Variants in AHI1 observed in about 807,000 individuals in gnomAD.
AHI1 encodes the protein Abelson helper integration site 1, also known as jouberin.
A neutral mutation model predicts 149.3 loss-of-function variants in AHI1; 123 were observed. The ratio of observed to expected loss-of-function variants is 0.82; its 90% confidence interval spans 0.71 to 0.96. AHI1 has a LOEUF of 0.96. AHI1 is among the 40% of genes least tolerant of loss of function. The probability of loss-of-function intolerance (pLI) is 0.00; values close to 1 mark genes in which losing one functional copy is unlikely to be tolerated. For synonymous variants in AHI1, 475 were observed against 459.8 expected, an observed-to-expected ratio of 1.03 and a Z score of -0.42; for missense variants, 1,439 against 1,422.7, an observed-to-expected ratio of 1.01 and a Z score of -0.18.
At chr6:135,486,015 T>C (rs1455769808) in intron 5 of AHI1, among the ~76,000 whole-genome samples, 1 of 152,232 alleles carries the variant, frequency 6.6e-6, no homozygotes, top group Non-Finnish European at 1.5e-5. Context: ...ACTGATTTTA[T>C]AGGATGCATG....
At chr6:135,419,814 T>A (rs1372199020) in intron 20 of AHI1, among the ~76,000 whole-genome samples, 1 of 152,114 alleles carries the variant, frequency 6.6e-6, no homozygotes, top group Non-Finnish European at 1.5e-5. Context: ...CACAAAAGAT[T>A]TCTCTGTAGC....
intron 23 of AHI1, among the ~76,000 whole-genome samples, chr6:135,362,583 C>A (rs1794075567): frequency 6.6e-6 from 1 of 152,136 alleles, no homozygotes; most frequent in South Asian, 2.1e-4. Flanking sequence ...CATCACATTG[C>A]AGTTTTGATT....
At chr6:135,442,209 G>C (rs769799168) in intron 14 of AHI1, among the ~76,000 whole-genome samples, 1 of 152,078 alleles carries the variant, frequency 6.6e-6, no homozygotes, top group African/African-American at 2.4e-5. Context: ...AGCAAATCTG[G>C]AGGCTTTTGT....
chr6:135,482,603 A>T (rs570665134), intron 5 of AHI1, among the ~76,000 whole-genome samples: 2 of 151,912 alleles, frequency 1.3e-5, no homozygotes, highest in South Asian at 4.1e-4. Flanking sequence ...TATTTTTTTA[A>T]TCTGTAGAAG....
At chr6:135,332,312 C>T (rs998368122) in intron 24 of AHI1, among the ~76,000 whole-genome samples, 1 of 152,218 alleles carries the variant, frequency 6.6e-6, no homozygotes, top group African/African-American at 2.4e-5. Flanking sequence ...TCGTGATCTG[C>T]CTGCCTCGGC....
chr6:135,318,577 G>C lies in AHI1; in HGVS notation c.3368C>G (p.Ser1123Cys). 6.2e-7 allele frequency: 1 copy of C among 1,606,058 alleles called. No individual in the cohort carries two copies. The highest frequency in any genetic ancestry group is 8.5e-7 in the Non-Finnish European group (1 of 1,176,208). The stretch of plus-strand genomic sequence containing the variant: ...TTTTTCCTCAGGGCTTAAAGGAGGG[G>C]ATCGCTCCTTTATCTCAGGAGGCAG... ...QELPPEIKER[S>C]PPLSPEEKTK... The change falls in exon 26 of 29, where the codon TCC becomes TGC. Residue 1123 changes from serine to cysteine, a missense_variant. Physicochemically the swap from Ser to Cys is moderately radical, Grantham distance 112. Coordinates refer to ENST00000265602, the MANE Select transcript of AHI1 (RefSeq NM_001134831.2).
chr6:135,458,171 T>C (rs766190378), intron 8 of AHI1, among the ~76,000 whole-genome samples: 3 of 152,142 alleles, frequency 2.0e-5, no homozygotes, highest in Admixed American at 6.5e-5. Context: ...AAAGAAGATA[T>C]AGTAGACAGA....
intron 24 of AHI1, among the ~76,000 whole-genome samples, chr6:135,352,515 T>C (rs188285869): frequency 6.6e-6 from 1 of 152,236 alleles, no homozygotes; most frequent in Admixed American, 6.5e-5. Context: ...ACTCCAGTGC[T>C]GGGAATTCCT....
chr6:135,447,038 T>C lies in AHI1; in HGVS notation c.1749A>G (p.Glu583=). The C allele has an allele frequency of 6.3e-7, 1 of 1,598,074 alleles. No individual in the cohort carries two copies. The highest frequency in any genetic ancestry group is 1.1e-5 in the South Asian group (1 of 90,408). ...DTEPGLEESK[E]VIKWKRLPGQ... The stretch of plus-strand genomic sequence containing the variant: ...CAGGGAGTCGTTTCCACTTTATTAC[T>C]TCCTTTGACTCTTCTAATCCAGGTT... The change falls in exon 13 of 29, where the codon GAA becomes GAG. Residue 583 remains glutamate, a synonymous_variant. Coordinates refer to ENST00000265602, the MANE Select transcript of AHI1 (RefSeq NM_001134831.2).
chr6:135,363,896 AC>A (rs1171061892), intron 23 of AHI1, among the ~76,000 whole-genome samples: 40 of 119,808 alleles, frequency 3.3e-4, no homozygotes, highest in East Asian at 2.8e-3. Flanking sequence ...CGGGGGGCTG[AC>A]CCCCCCCACC....
At chr6:135,434,581 CATA>C (rs1376873380) in intron 15 of AHI1, among the ~76,000 whole-genome samples, 1 of 151,608 alleles carries the variant, frequency 6.6e-6, no homozygotes, top group East Asian at 1.9e-4. Context: ...TTAAAACAGA[CATA>C]ATATTAAAAA....
chr6:135,415,435 G>A (rs182693113), intron 20 of AHI1, among the ~76,000 whole-genome samples: 37 of 152,302 alleles, frequency 2.4e-4, no homozygotes, highest in Non-Finnish European at 4.4e-4. Context: ...CACCAACAGT[G>A]TAAAAGTGTT....
chr6:135,323,250 C>T lies in AHI1; in HGVS notation c.3240G>A (p.Val1080=). Residue 1080 remains valine (V), a synonymous_variant, in exon 25 of 29, where the codon GTG becomes GTA. Transcript: ENST00000265602. ...ACCAGTCTTCATTATCTTTGAAAAA[C>T]ACTCGGATAATGTCTCCGCGATGGA... is the stretch of plus-strand genomic sequence containing the variant. ...LTIHRGDIIR[V]FFKDNEDWWY... 6.2e-7 allele frequency: 1 copy of T among 1,613,884 alleles called. No homozygotes were observed. The highest frequency in any genetic ancestry group is 8.5e-7 in the Non-Finnish European group (1 of 1,179,836).
chr6:135,445,778 C>T (rs2757646), intron 13 of AHI1, among the ~76,000 whole-genome samples: 113,244 of 151,956 alleles, frequency 0.75, 47,667 homozygotes, highest in Non-Finnish European at 0.91. Flanking sequence ...TCTTGCTGGC[C>T]GGGCACGGTG....
intron 25 of AHI1, 37 bp downstream of exon 25, chr6:135,323,125 C>A: frequency 1.3e-6 from 2 of 1,571,016 alleles, no homozygotes; most frequent in Non-Finnish European, 1.7e-6. Context: ...ATCAGTTATA[C>A]CATACTAGTA....
At chr6:135,317,814 A>T (rs1354587503) in intron 26 of AHI1, among the ~76,000 whole-genome samples, 3 of 152,230 alleles carry the variant, frequency 2.0e-5, no homozygotes, top group African/African-American at 7.2e-5. Flanking sequence ...CATGAAATGT[A>T]TTTGTAAAAA....
chr6:135,364,220 C>A (rs544473521), intron 23 of AHI1, among the ~76,000 whole-genome samples: 1 of 150,652 alleles, frequency 6.6e-6, no homozygotes, highest in East Asian at 2.0e-4. Flanking sequence ...TCAGACGGGG[C>A]GTCCGGGCAG....
At chr6:135,448,240 T>A in intron 12 of AHI1, 50 bp downstream of exon 12, 1 of 1,283,274 alleles carries the variant, frequency 7.8e-7, no homozygotes, top group Non-Finnish European at 1.0e-6. Flanking sequence ...TATGTCACCA[T>A]TTAATTTCAA....
At chr6:135,478,379 C>G (rs1793059128) in intron 5 of AHI1, among the ~76,000 whole-genome samples, 1 of 152,130 alleles carries the variant, frequency 6.6e-6, no homozygotes, top group Non-Finnish European at 1.5e-5. Flanking sequence ...TTATTGGGAA[C>G]TGGAGTAAAG....
Sources: allele counts gnomAD v4.1 joint callset (sites outside exome capture counted in the v4.1 genomes callset), GRCh38; gene constraint gnomAD v4.1.1; transcripts MANE v1.5; gene names NCBI Gene and HGNC (gene_info 2026-07-23, HGNC 2026-07-21).